ASAP1: variants seen among roughly 807,000 people sequenced by gnomAD.
ASAP1 encodes arf-GAP with SH3 domain, ANK repeat and PH domain-containing protein 1.
In ASAP1, 43 loss-of-function variants were observed where a neutral mutation model predicts 145.2. The observed-to-expected ratio is 0.30, with a 90% CI of 0.23 to 0.38. ASAP1 has a LOEUF of 0.38. Among genes scored for constraint, ASAP1 ranks in the 10% least tolerant of loss-of-function variants. The probability of loss-of-function intolerance (pLI) is 1.00; values close to 1 mark genes in which losing one functional copy is unlikely to be tolerated. For missense variants in ASAP1, 1,018 were observed against 1,355.3 expected (o/e 0.75, Z 3.91); for synonymous variants, 546 against 515.5 (o/e 1.06, Z -0.80).
At chr8:130,074,447 A>ACG (rs2097457367) in intron 27 of ASAP1, among the ~76,000 whole-genome samples, 1 of 123,026 alleles carries the variant, frequency 8.1e-6, no homozygotes, top group Non-Finnish European at 1.7e-5. Context: ...GTAAACACAC[A>ACG]CACACACACA....
At chr8:130,311,874 T>A (rs1301056652) in intron 3 of ASAP1, among the ~76,000 whole-genome samples, 2 of 151,914 alleles carry the variant, frequency 1.3e-5, no homozygotes, top group African/African-American at 4.8e-5. Flanking sequence ...AAATCTACTT[T>A]TAAGTAAACA....
intron 3 of ASAP1, among the ~76,000 whole-genome samples, chr8:130,252,042 C>T (rs530101921): frequency 6.6e-6 from 1 of 152,198 alleles, no homozygotes; most frequent in South Asian, 2.1e-4. Flanking sequence ...TGTGTATTAT[C>T]AAATGTTCTA....
chr8:130,385,882 C>A (rs1827990488), intron 2 of ASAP1, among the ~76,000 whole-genome samples: 1 of 152,190 alleles, frequency 6.6e-6, no homozygotes, highest in Non-Finnish European at 1.5e-5. Context: ...GGGGAGTCCC[C>A]CCACATCCTT....
chr8:130,234,613 TG>T (rs1167100309), intron 4 of ASAP1, among the ~76,000 whole-genome samples: 1 of 152,140 alleles, frequency 6.6e-6, no homozygotes, highest in Non-Finnish European at 1.5e-5. Flanking sequence ...GAGGAGCCTT[TG>T]TATGAGCTGC....
intron 2 of ASAP1, among the ~76,000 whole-genome samples, chr8:130,370,743 C>T (rs1352102335): frequency 6.6e-6 from 1 of 152,198 alleles, no homozygotes; most frequent in Non-Finnish European, 1.5e-5. Context: ...AGTACTGGCA[C>T]ATGCTACAAC....
chr8:130,291,527 T>C (rs761822249), intron 3 of ASAP1, among the ~76,000 whole-genome samples: 6 of 151,950 alleles, frequency 3.9e-5, no homozygotes, highest in Admixed American at 2.6e-4. Context: ...ATAATACTTA[T>C]TACCTTCCTA....
chr8:130,413,374 G>A (rs927973730), intron 1 of ASAP1, among the ~76,000 whole-genome samples: 10 of 152,252 alleles, frequency 6.6e-5, no homozygotes, highest in South Asian at 2.1e-4. Flanking sequence ...TGTAATTACC[G>A]TATTTCCTCC....
At chr8:130,099,475 C>A (rs1403159311) in intron 24 of ASAP1, among the ~76,000 whole-genome samples, 1 of 152,002 alleles carries the variant, frequency 6.6e-6, no homozygotes, top group Admixed American at 6.6e-5. Context: ...CCACTGCGCC[C>A]GGCCAGGCCC....
At chr8:130,101,314 G>A (rs2135496027) in intron 24 of ASAP1, among the ~76,000 whole-genome samples, 1 of 152,198 alleles carries the variant, frequency 6.6e-6, no homozygotes, top group South Asian at 2.1e-4. Flanking sequence ...CTGTTTCTAT[G>A]AGGAATGTCA....
intron 3 of ASAP1, among the ~76,000 whole-genome samples, chr8:130,255,519 T>C (rs1819457877): frequency 6.6e-6 from 1 of 152,218 alleles, no homozygotes; most frequent in South Asian, 2.1e-4. Context: ...ATCACTCTGA[T>C]AGATCATCTG....
rs757822502 is a variant in ASAP1 at position 130,112,295 on chromosome 8, G to A, written c.2200C>T (p.Pro734Ser). Reference sequence around the variant, plus strand: ...GAGTGGCAGAAGCTCTGAGGTCTGGGTGAGCGCTCTTTCTTGATAGGGCTT... The same window carrying A: ...GAGTGGCAGAAGCTCTGAGGTCTGGATGAGCGCTCTTTCTTGATAGGGCTT... ...KPSPIKKERS[P>S]RPQSFCHSSS... The change falls in exon 24 of 30, where the codon CCC (proline) becomes TCC (serine). Residue 734 changes from proline (P) to serine (S), a missense_variant. Physicochemically the swap from Pro to Ser is moderately conservative, Grantham distance 74 (BLOSUM62 -1). Transcript: ENST00000518721. 9.3e-6 allele frequency: 15 copies of A among 1,614,170 alleles called. No individual in the cohort carries two copies. The highest frequency in any genetic ancestry group is 8.9e-5 in the East Asian group (4 of 44,888).
At position 130,275,103 on chromosome 8, in the gene ASAP1, C is replaced by T. The variant is rs373302489; in HGVS notation, c.187-38109G>A. Among the ~76,000 whole-genome samples, 3 of 152,294 alleles carry T rather than the reference C, an allele frequency of 2.0e-5. No individual in the cohort carries two copies. In the South Asian group the frequency reaches 6.2e-4, roughly 32 times the overall value. On this transcript the variant is annotated intron_variant, in intron 3 of 29. Coordinates refer to ENST00000518721, the MANE Select transcript of ASAP1 (RefSeq NM_018482.4). ...TGAAACAGGAATGAATAATCCTAAC[C>T]ATCTCTAGATCTTAGACAAGAATGA...
intron 29 of ASAP1, among the ~76,000 whole-genome samples, chr8:130,056,019 A>G (rs1475932704): frequency 1.3e-5 from 2 of 152,240 alleles, no homozygotes; most frequent in Non-Finnish European, 2.9e-5. Context: ...TGCTAGGGAC[A>G]CCAATGACAG....
rs114987548 is a variant in ASAP1 at position 130,261,244 on chromosome 8, T to C, written c.187-24250A>G. On this transcript the variant is annotated intron_variant, in intron 3 of 29. Transcript: ENST00000518721. ...CGATGTATGTGTACACATGACATCA[T>C]AGCCCCTAAACACAGGCCAGTTACT... Among the ~76,000 whole-genome samples the C allele has an allele frequency of 8.0e-3, 1,212 of 152,330 alleles. 16 individuals are homozygous for C. Among genetic ancestry groups the C allele is most frequent in the African/African-American group, 0.028 (1,157 of 41,586 alleles).
intron 2 of ASAP1, among the ~76,000 whole-genome samples, chr8:130,393,778 C>A (rs935718252): frequency 1.3e-5 from 2 of 152,104 alleles, no homozygotes; most frequent in African/African-American, 4.8e-5. Context: ...GGACCCCAAA[C>A]AGAGGGACCA....
chr8:130,372,942 A>G (rs1827281090), intron 2 of ASAP1, among the ~76,000 whole-genome samples: 1 of 151,416 alleles, frequency 6.6e-6, no homozygotes, highest in South Asian at 2.1e-4. Context: ...ACACGCATAC[A>G]CAAATACACA....
At chr8:130,306,506 C>T (rs1218296783) in intron 3 of ASAP1, among the ~76,000 whole-genome samples, 1 of 152,124 alleles carries the variant, frequency 6.6e-6, no homozygotes, top group Non-Finnish European at 1.5e-5. Flanking sequence ...AACATAAAGC[C>T]CCCAAGGATC....
chr8:130,126,106 G>A lies in ASAP1; in HGVS notation c.1382-17C>T, dbSNP rs2097574521. The A allele has an allele frequency of 5.0e-6, 8 of 1,593,858 alleles. No individual in the cohort carries two copies. The highest frequency in any genetic ancestry group is 6.8e-6 in the Non-Finnish European group (8 of 1,173,236). ...AGGTGGGTTCTGTGGAAAGAATGTT[G>A]AAGACAATGAAACAAAAAAGACATC... On this transcript the variant is annotated splice_polypyrimidine_tract_variant and intron_variant, in intron 16 of 29. Transcript: ENST00000518721.
intron 4 of ASAP1, among the ~76,000 whole-genome samples, chr8:130,224,639 G>A (rs1817488280): frequency 2.0e-5 from 3 of 151,988 alleles, no homozygotes; most frequent in South Asian, 4.1e-4. Context: ...ACCATGGCTT[G>A]CTTTTTTCCT....
Sources: gnomAD v4.1 joint callset for allele counts (sites outside exome capture counted in the v4.1 genomes callset) on GRCh38, gnomAD v4.1.1 for gene constraint, MANE v1.5 for transcripts, NCBI Gene and HGNC (gene_info 2026-07-23, HGNC 2026-07-21) for gene names.